Variants in ZP4 observed in about 807,000 individuals in gnomAD.
The protein encoded by ZP4 is zona pellucida sperm-binding protein 4.
Under a neutral mutation model 62.3 loss-of-function variants are expected in ZP4, and 62 were observed. The ratio of observed to expected loss-of-function variants is 0.99; its 90% CI spans 0.81 to 1.23. The LOEUF (loss-of-function observed/expected upper bound fraction) is 1.23. Among genes scored for constraint, ZP4 ranks in the 50% most tolerant of loss-of-function variants. The pLI is 0.00. For missense variants in ZP4, 774 were observed against 656.0 expected (o/e 1.18, Z -1.97); for synonymous variants, 289 against 247.3 (o/e 1.17, Z -1.58).
chr1:237,882,782 C>T lies in ZP4; in HGVS notation c.1455G>A (p.Met485Ile), dbSNP rs1262012364. Residue 485 changes from methionine to isoleucine, a missense_variant, in exon 11 of 12, where the codon ATG becomes ATA. By Grantham distance (10) the Met-to-Ile change is conservative. Transcript: ENST00000366570. ...TTASVSSKGP[M>I]ILLQATKDPP... ...GGTCCTTAGTGGCTTGGAGTAGAAT[C>T]ATGGGGCCTTTGCTAGAAACACTAG... The T allele has an allele frequency of 6.2e-7, 1 of 1,614,144 alleles. No homozygotes were observed. The highest frequency in any genetic ancestry group is 1.7e-5 in the Admixed American group (1 of 60,026).
intron 11 of ZP4, 95 bp from the exon 12 acceptor site, chr1:237,882,644 A>G: frequency 6.4e-7 from 1 of 1,574,358 alleles, no homozygotes; most frequent in East Asian, 2.2e-5. Flanking sequence ...TAGGAAGGTC[A>G]ATTTCTTTTG....
chr1:237,890,760 A>G lies in ZP4; in HGVS notation c.-125T>C, dbSNP rs561011087. On this transcript the variant is annotated 5_prime_UTR_variant, in exon 1 of 12. Transcript: ENST00000366570. ...TTGTTTTCAGCTGCACATCTTTGTG[A>G]CACTCAGGTGGGATGCCTTCAGAAA... 2 of 1,121,956 alleles carry G rather than the reference A, an allele frequency of 1.8e-6. No individual in the cohort carries two copies. Among genetic ancestry groups the G allele is most frequent in the East Asian group, 2.6e-5 (1 of 37,922 alleles). 69.5% of individuals were successfully genotyped at this position (1,121,956 alleles called of 1,614,324 possible). A position where few individuals can be genotyped will look rare whatever the true frequency, so the allele number is the denominator to read the frequency against.
In ZP4 at chr1:237,887,371, C is replaced by T; in HGVS notation, c.741+3G>A. 6.2e-7 allele frequency: 1 copy of T among 1,613,266 alleles called. No individual in the cohort carries two copies. Among genetic ancestry groups the T allele is most frequent in the Non-Finnish European group, 8.5e-7 (1 of 1,179,616 alleles). Reference sequence around the variant, plus strand: ...GAGCCAGGAACAAAGCCCAACTGCTCACCTGTCTTGTGGTGCCACAGGAAG... The same window carrying T: ...GAGCCAGGAACAAAGCCCAACTGCTTACCTGTCTTGTGGTGCCACAGGAAG... On this transcript the variant is annotated splice_donor_region_variant and intron_variant, in intron 5 of 11. Transcript: ENST00000366570.
chr1:237,886,932 T>C, intron 5 of ZP4, 64 bp from the exon 6 acceptor site: 1 of 1,423,772 alleles, frequency 7.0e-7, no homozygotes, highest in South Asian at 1.2e-5. Flanking sequence ...GACTTGCATC[T>C]GGTCTAAGCC....
At position 237,884,856 on chromosome 1, in the gene ZP4, C is replaced by T. The variant is rs769057238; in HGVS notation, c.1312-9G>A. On this transcript the variant is annotated splice_polypyrimidine_tract_variant and intron_variant, in intron 9 of 11. Coordinates refer to ENST00000366570, the MANE Select transcript of ZP4 (RefSeq NM_021186.5). ...CTGCAGTGCAGATGCACCTGGGAGC[C>T]AACAGAATTCAGGTCATTTGTAGTA... 12 of 1,611,956 alleles carry T rather than the reference C, an allele frequency of 7.4e-6. No individual in the cohort carries two copies. Among genetic ancestry groups the T allele is most frequent in the East Asian group, 2.2e-5 (1 of 44,876 alleles).
At chr1:237,890,376 T>G (rs1356797108) in intron 1 of ZP4, 85 bp downstream of exon 1, 25 of 1,520,556 alleles carry the variant, frequency 1.6e-5, no homozygotes, top group Non-Finnish European at 2.0e-5. Flanking sequence ...GGTGAAAGTA[T>G]CAATACGGGA....
chr1:237,887,965 C>A (rs1033518105), intron 4 of ZP4, among the ~76,000 whole-genome samples: 1 of 152,206 alleles, frequency 6.6e-6, no homozygotes, highest in African/African-American at 2.4e-5. Flanking sequence ...CCAACCTATA[C>A]ATACTCTGAG....
chr1:237,884,023 C>CACACACACACACACACACAA (rs1558531132), intron 10 of ZP4, among the ~76,000 whole-genome samples: 1 of 65,226 alleles, frequency 1.5e-5, no homozygotes, highest in African/African-American at 5.4e-5. Context: ...CACAAACACA[C>CACACACACACACACACACAA]ACACACACAA....
In ZP4 at chr1:237,886,184, A is replaced by C. The variant is rs560378331; in HGVS notation, c.840-298T>G. ...ACCCTTGATATGAAGGTGAAAGAAA[A>C]ACTTGAGGTACAGGGAAAGCGTCAC... is the stretch of plus-strand genomic sequence containing the variant. On this transcript the variant is annotated intron_variant, in intron 6 of 11. Transcript: ENST00000366570. Among the ~76,000 whole-genome samples the C allele has an allele frequency of 3.3e-5, 5 of 152,234 alleles. No individual in the cohort carries two copies. In the South Asian group the frequency reaches 1.0e-3, roughly 32 times the overall value.
Position 237,890,086 on chromosome 1 carries a change from G to A in ZP4, c.266C>T (p.Ala89Val), listed in dbSNP as rs1307126395. 1 of 1,614,022 alleles carries A rather than the reference G, an allele frequency of 6.2e-7. No individual in the cohort carries two copies. Among genetic ancestry groups the A allele is most frequent in the Non-Finnish European group, 8.5e-7 (1 of 1,180,044 alleles). ...AGTGACATAGCAGCTGCTATAGGTT[G>A]CCTCCAACACCACGGAGCTGCCTGG... ...KGPGSSVVLE[A>V]TYSSCYVTEW... The change falls in exon 2 of 12, where the codon GCA becomes GTA. Residue 89 changes from alanine (A) to valine (V), a missense_variant. Coordinates refer to ENST00000366570, the MANE Select transcript of ZP4 (RefSeq NM_021186.5).
At position 237,890,490 on chromosome 1, in the gene ZP4, G is replaced by C; in HGVS notation, c.146C>G (p.Ala49Gly). Residue 49 changes from alanine (A) to glycine (G), a missense_variant, in exon 1 of 12, where the codon GCA (alanine) becomes GGA (glycine). Coordinates refer to ENST00000366570, the MANE Select transcript of ZP4 (RefSeq NM_021186.5). ...FQFAVNLNQE[A>G]TSPPVLIAWD... is the part of the protein sequence containing the mutation. Reference sequence around the variant, plus strand: ...AGCTATTAGTACAGGAGGAGACGTTGCCTCCTGGTTGAGGTTTACAGCAAA... The same window carrying C: ...AGCTATTAGTACAGGAGGAGACGTTCCCTCCTGGTTGAGGTTTACAGCAAA... 1.2e-6 allele frequency: 2 copies of C among 1,613,782 alleles called. No individual in the cohort carries two copies. Among genetic ancestry groups the C allele is most frequent in the African/African-American group, 2.7e-5 (2 of 75,010 alleles).
intron 6 of ZP4, 42 bp downstream of exon 6, chr1:237,886,729 C>T (rs775221060): frequency 5.8e-6 from 9 of 1,552,428 alleles, no homozygotes; most frequent in Non-Finnish European, 8.0e-6. Flanking sequence ...TGAGAATGCC[C>T]ACCTTATGGC....
rs1328898814 is a variant in ZP4 at position 237,889,264 on chromosome 1, A to AT, written c.400+602dup. 4.0e-5 allele frequency among the ~76,000 whole-genome samples: 6 copies of AT among 150,984 alleles called. No homozygotes were observed. In the East Asian group the frequency reaches 1.2e-3, roughly 29 times the overall value. The stretch of plus-strand genomic sequence containing the variant: ...GAGTTCTTTGAATCCCAGCTCAGTC[A>AT]TTCACCAGTGATAGGCCCTTGGGAA... On this transcript the variant is annotated intron_variant, in intron 3 of 11. Coordinates refer to ENST00000366570, the MANE Select transcript of ZP4 (RefSeq NM_021186.5).
At chr1:237,884,444 C>A (rs1665046545) in intron 10 of ZP4, among the ~76,000 whole-genome samples, 1 of 152,140 alleles carries the variant, frequency 6.6e-6, no homozygotes, top group South Asian at 2.1e-4. Flanking sequence ...ACCTGTCAAG[C>A]AGGTACAGAC....
chr1:237,889,734 T>A, intron 3 of ZP4, 133 bp downstream of exon 3: 2 of 806,566 alleles, frequency 2.5e-6, no homozygotes, highest in African/African-American at 3.4e-5. Context: ...CCCATGGAGG[T>A]GAGAGTTGGG....
At chr1:237,888,615 G>T in intron 3 of ZP4, 105 bp from the exon 4 acceptor site, 1 of 1,086,628 alleles carries the variant, frequency 9.2e-7, no homozygotes, top group Non-Finnish European at 1.3e-6. Flanking sequence ...ATATGTAGAT[G>T]ATTGAAATAG....
At chr1:237,883,903 T>C (rs1006099521) in intron 10 of ZP4, among the ~76,000 whole-genome samples, 8 of 150,890 alleles carry the variant, frequency 5.3e-5, no homozygotes, top group African/African-American at 2.0e-4. Context: ...GAGGCTACCA[T>C]GAACTGTAAT....
At position 237,885,399 on chromosome 1, in the gene ZP4, C is replaced by T; in HGVS notation, c.1152G>A (p.Leu384=). 1 of 1,610,856 alleles carries T rather than the reference C, an allele frequency of 6.2e-7. No individual in the cohort carries two copies. Among genetic ancestry groups the T allele is most frequent in the Non-Finnish European group, 8.5e-7 (1 of 1,178,392 alleles). The change falls in exon 8 of 12, where the codon CTG becomes CTA. Residue 384 remains leucine (L), a synonymous_variant. Coordinates refer to ENST00000366570, the MANE Select transcript of ZP4 (RefSeq NM_021186.5). Reference sequence around the variant, plus strand: ...ATGAAAGAACCACTTACCCCTTTACCAGGATGGGCCACTGTGGCTGACTCA... The same window carrying T: ...ATGAAAGAACCACTTACCCCTTTACTAGGATGGGCCACTGTGGCTGACTCA... ...DPLSQPQWPI[L]VKGCPYIGDN...
Position 237,883,961 on chromosome 1 carries a change from CACACAAACACACACACACACAA to C in ZP4, c.1390+786_1390+807del, listed in dbSNP as rs1558530612. On this transcript the variant is annotated intron_variant, in intron 10 of 11. Transcript: ENST00000366570. ...CATGACAGAGCAAGAACTGGTCACA[CACACAAACACACACACACACAA>C]ACACACACACACACACACACACACA... Among the ~76,000 whole-genome samples, 318 of 79,648 alleles carry C rather than the reference CACACAAACACACACACACACAA, an allele frequency of 4.0e-3. 7 individuals are homozygous for C. The highest frequency in any genetic ancestry group is 0.017 in the African/African-American group (267 of 15,346). The allele number at this position is 79,648 out of a possible 152,430, so 52.3% of individuals were successfully genotyped here.
Sources: gnomAD v4.1 joint callset for allele counts (sites outside exome capture counted in the v4.1 genomes callset) on GRCh38, gnomAD v4.1.1 for gene constraint, MANE v1.5 for transcripts, NCBI Gene and HGNC (gene_info 2026-07-23, HGNC 2026-07-21) for gene names.